The following SLC9A5 variants were observed in gnomAD, a reference collection of about 807,000 sequenced individuals.
SLC9A5 encodes the protein solute carrier family 9 member A5.
Under a neutral mutation model 91.7 loss-of-function variants are expected in SLC9A5, and 52 were observed. The ratio of observed to expected loss-of-function variants is 0.57; its 90% CI spans 0.45 to 0.71. The LOEUF (loss-of-function observed/expected upper bound fraction) is 0.71, where lower values mean the gene tolerates loss of function less well. Ranked by LOEUF, SLC9A5 falls within the 30% of genes least tolerant of loss-of-function variation. SLC9A5 has a pLI of 0.00. For synonymous variants in SLC9A5, 419 were observed against 474.5 expected (o/e 0.88, Z 1.52); for missense variants, 871 against 1,158.9 (o/e 0.75, Z 3.61).
At chr16:67,250,447 A>G (rs1342444436) in intron 1 of SLC9A5, among the ~76,000 whole-genome samples, 1 of 152,208 alleles carries the variant, frequency 6.6e-6, no homozygotes, top group Non-Finnish European at 1.5e-5. Context: ...AAGAGTAGAA[A>G]GAGCCTCAGG....
intron 2 of SLC9A5, among the ~76,000 whole-genome samples, chr16:67,254,652 C>T (rs1338473557): frequency 6.6e-6 from 1 of 152,228 alleles, no homozygotes; most frequent in Non-Finnish European, 1.5e-5. Flanking sequence ...CCCACCTCGG[C>T]CTCCCAAAGT....
In SLC9A5 at chr16:67,251,317, A is replaced by G. The variant is rs1409954685; in HGVS notation, c.188-1225A>G. 2.0e-5 allele frequency among the ~76,000 whole-genome samples: 3 copies of G among 150,796 alleles called. No individual in the cohort carries two copies. In the East Asian group the frequency reaches 5.9e-4, roughly 30 times the overall value. On this transcript the variant is annotated intron_variant, in intron 1 of 15. Transcript: ENST00000299798. ...GGAGGTATAATATACATTCTGGTCT[A>G]GTTAAGGAGTGAGGACATTATAATA... is the stretch of plus-strand genomic sequence containing the variant.
Position 67,255,296 on chromosome 16 carries a change from G to A in SLC9A5, c.655-97G>A. ...CTTGGGTCCCCTGGGGCAGAAATAT[G>A]CTGTCTGCTTTCACCCTGCTCTCCC... On this transcript the variant is annotated intron_variant, in intron 3 of 15. Coordinates refer to ENST00000299798, the MANE Select transcript of SLC9A5 (RefSeq NM_004594.3). This position sits in a 1 kb window ranked among gnomAD's most constrained non-coding sequence, Gnocchi z 4.9. 1.3e-6 allele frequency: 2 copies of A among 1,521,590 alleles called. No homozygotes were observed. The highest frequency in any genetic ancestry group is 1.4e-5 in the African/African-American group (1 of 73,362). The allele number at this position is 1,521,590 out of a possible 1,614,324, so 94.3% of individuals were successfully genotyped here.
In SLC9A5 at chr16:67,259,878, G is replaced by A; in HGVS notation, c.1774G>A (p.Gly592Ser). The stretch of plus-strand genomic sequence containing the variant: ...GCAGGTGATTGACACAGTACGCAGC[G>A]GCCGGGATCGTGAGGATGCTGTGAT... ...DLQVIDTVRSGRDREDAVMHH... is the reference protein window; with the variant it reads ...DLQVIDTVRSSRDREDAVMHH... The change falls in exon 12 of 16, where the codon GGC (glycine) becomes AGC (serine). Residue 592 changes from glycine (G) to serine (S), a missense_variant. This residue lies in a region of SLC9A5 where 454 missense variants were observed against 718.3 expected (regional missense o/e 0.63). Coordinates refer to ENST00000299798, the MANE Select transcript of SLC9A5 (RefSeq NM_004594.3). 3 of 1,614,144 alleles carry A rather than the reference G, an allele frequency of 1.9e-6. No homozygotes were observed. The highest frequency in any genetic ancestry group is 2.5e-6 in the Non-Finnish European group (3 of 1,180,026).
In SLC9A5 at chr16:67,258,334, A is replaced by C; in HGVS notation, c.1513A>C (p.Lys505Gln). 1 of 1,614,002 alleles carries C rather than the reference A, an allele frequency of 6.2e-7. No homozygotes were observed. Among genetic ancestry groups the C allele is most frequent in the Non-Finnish European group, 8.5e-7 (1 of 1,180,010 alleles). Residue 505 changes from lysine to glutamine, a missense_variant, in exon 10 of 16, where the codon AAG (lysine) becomes CAG (glutamine). By Grantham distance (53) the Lys-to-Gln change is moderately conservative. Around this residue, in one of 3 missense-constraint regions of SLC9A5, gnomAD observed 454 missense variants for 718.3 expected, o/e 0.63. Transcript: ENST00000299798. The surrounding 1 kb of genome is among the most constrained non-coding windows in gnomAD (Gnocchi z 4.5). ...CCTCTGTAGGTGGGAGCAGTTTGAC[A>C]AGAAATACCTGAGTCAGCTGCTGAT... ...YWRDRWEQFDKKYLSQLLMRR... is the reference protein window; with the variant it reads ...YWRDRWEQFDQKYLSQLLMRR...
At position 67,271,129 on chromosome 16, in the gene SLC9A5, C is replaced by T. The variant is rs970806003; in HGVS notation, c.2610C>T (p.Gly870=). ...AGCAGGAGCTGCAGCCCCTCATGGG[C>T]CACAAGGACCACACCCATCTCAGCC... ...PQQQELQPLM[G]HKDHTHLSPG... is the part of the protein sequence containing the mutation. Residue 870 remains glycine (G), a synonymous_variant, in exon 16 of 16, where the codon GGC becomes GGT. Coordinates refer to ENST00000299798, the MANE Select transcript of SLC9A5 (RefSeq NM_004594.3). The T allele has an allele frequency of 3.7e-6, 6 of 1,613,532 alleles. No homozygotes were observed. The African/African-American group carries it at 8.0e-5, about 22-fold the overall frequency.
At position 67,259,601 on chromosome 16, in the gene SLC9A5, T is replaced by A; in HGVS notation, c.1655T>A (p.Leu552His). 1 of 1,614,130 alleles carries A rather than the reference T, an allele frequency of 6.2e-7. No homozygotes were observed. The highest frequency in any genetic ancestry group is 1.3e-5 in the African/African-American group (1 of 75,020). ...QGGHVLSSTG[L>H]TLPSMPSRNS... ...GGCCACGTCTTGTCTTCCACAGGTC[T>A]CACTCTGCCTTCTATGCCCAGCCGC... Residue 552 changes from leucine (L) to histidine (H), a missense_variant, in exon 11 of 16, where the codon CTC becomes CAC. Transcript: ENST00000299798.
At chr16:67,250,308 G>A (rs985249332) in intron 1 of SLC9A5, among the ~76,000 whole-genome samples, 1 of 152,156 alleles carries the variant, frequency 6.6e-6, no homozygotes, top group African/African-American at 2.4e-5. Flanking sequence ...TCTCGGGGCT[G>A]GGGTTAATGC....
In SLC9A5 at chr16:67,266,120, G is replaced by C. The variant is rs2035692027; in HGVS notation, c.2113G>C (p.Glu705Gln). 1 of 1,612,162 alleles carries C rather than the reference G, an allele frequency of 6.2e-7. No homozygotes were observed. The highest frequency in any genetic ancestry group is 2.2e-5 in the East Asian group (1 of 44,648). ...GATATTAACCGTGGAGTCTGAGGAG[G>C]AGGAGGAGGAGAGCGACAGTTCAGA... is the stretch of plus-strand genomic sequence containing the variant. ...AVILTVESEEEEEESDSSETE... is the reference protein window; with the variant it reads ...AVILTVESEEQEEESDSSETE... Residue 705 changes from glutamate to glutamine, a missense_variant, in exon 15 of 16, where the codon GAG (glutamate) becomes CAG (glutamine). Glu to Gln is a conservative substitution (Grantham distance 29). Transcript: ENST00000299798.
At position 67,258,590 on chromosome 16, in the gene SLC9A5, G is replaced by A. The variant is rs957353609; in HGVS notation, c.1626+143G>A. ...CTCCATGGTCTGGTGAAGTGGCAGC[G>A]GCAGGAAGCAGCTGGGTCTGGTGCT... On this transcript the variant is annotated intron_variant, in intron 10 of 15. Coordinates refer to ENST00000299798, the MANE Select transcript of SLC9A5 (RefSeq NM_004594.3). The surrounding 1 kb of genome is among the most constrained non-coding windows in gnomAD (Gnocchi z 4.5). 3 of 957,868 alleles carry A rather than the reference G, an allele frequency of 3.1e-6. No individual in the cohort carries two copies. Among genetic ancestry groups the A allele is most frequent in the Middle Eastern group, 3.2e-4 (1 of 3,094 alleles). 59.3% of individuals were successfully genotyped at this position (957,868 alleles called of 1,614,324 possible). A position where few individuals can be genotyped will look rare whatever the true frequency, so the allele number is the denominator to read the frequency against.
chr16:67,268,712 T>TATATATATATA (rs1274790719), intron 15 of SLC9A5, among the ~76,000 whole-genome samples: 3 of 52,804 alleles, frequency 5.7e-5, no homozygotes, highest in African/African-American at 1.4e-4. Context: ...ATATATATAT[T>TATATATATATA]TTTACAGTAG....
At chr16:67,262,884 C>A (rs1597358656) in intron 12 of SLC9A5, 1 of 153,358 alleles carries the variant, frequency 6.5e-6, no homozygotes. Context: ...CACTGGTGAC[C>A]AGCAAGAAGG....
At chr16:67,251,199 G>A (rs1011399215) in intron 1 of SLC9A5, among the ~76,000 whole-genome samples, 1 of 152,142 alleles carries the variant, frequency 6.6e-6, no homozygotes, top group Non-Finnish European at 1.5e-5. Flanking sequence ...GAGATCTTCT[G>A]ATTGCTAAAG....
At position 67,257,214 on chromosome 16, in the gene SLC9A5, A is replaced by G; in HGVS notation, c.1335+101A>G. 7.1e-7 allele frequency: 1 copy of G among 1,405,024 alleles called. No individual in the cohort carries two copies. The highest frequency in any genetic ancestry group is 9.9e-7 in the Non-Finnish European group (1 of 1,012,464). The allele number at this position is 1,405,024 out of a possible 1,614,324, so 87.0% of individuals were successfully genotyped here. ...GGCTTCTCTTCCCGCTGGGAGATGG[A>G]GGGCCCTGACTTCCCAGACCTTGAG... On this transcript the variant is annotated intron_variant, in intron 7 of 15. Coordinates refer to ENST00000299798, the MANE Select transcript of SLC9A5 (RefSeq NM_004594.3). This position sits in a 1 kb window ranked among gnomAD's most constrained non-coding sequence, Gnocchi z 5.1.
At chr16:67,251,353 A>G (rs2142336338) in intron 1 of SLC9A5, among the ~76,000 whole-genome samples, 1 of 138,126 alleles carries the variant, frequency 7.2e-6, no homozygotes, top group African/African-American at 2.7e-5. Context: ...GGTAACATTT[A>G]TTGAGTGCTT....
In SLC9A5 at chr16:67,256,440, A is replaced by C. The variant is rs544967722; in HGVS notation, c.912-29A>C. On this transcript the variant is annotated intron_variant, in intron 5 of 15. Transcript: ENST00000299798. The surrounding 1 kb of genome is among the most constrained non-coding windows in gnomAD (Gnocchi z 4.1). Reference sequence around the variant, plus strand: ...GCTGAGCCCCCTGGAACCCTTCCCCACTTGCCATGTCTCTCCATCCTCTCC... The same window carrying C: ...GCTGAGCCCCCTGGAACCCTTCCCCCCTTGCCATGTCTCTCCATCCTCTCC... 2 of 1,539,758 alleles carry C rather than the reference A, an allele frequency of 1.3e-6. No homozygotes were observed. The highest frequency in any genetic ancestry group is 3.3e-5 in the Admixed American group (2 of 59,900).
In SLC9A5 at chr16:67,252,187, C is replaced by T. The variant is rs778329324; in HGVS notation, c.188-355C>T. ...AAGGTTGGCCAGGCGCGGTGGCTCA[C>T]ACCTGTAATCCCAGCACTTTGGGAG... On this transcript the variant is annotated intron_variant, in intron 1 of 15. Coordinates refer to ENST00000299798, the MANE Select transcript of SLC9A5 (RefSeq NM_004594.3). This position sits in a 1 kb window ranked among gnomAD's most constrained non-coding sequence, Gnocchi z 4.0. Among the ~76,000 whole-genome samples, 21 of 152,086 alleles carry T rather than the reference C, an allele frequency of 1.4e-4. No homozygotes were observed. The highest frequency in any genetic ancestry group is 2.8e-4 in the Non-Finnish European group (19 of 68,014).
intron 15 of SLC9A5, 142 bp downstream of exon 15, chr16:67,266,367 T>C: frequency 1.2e-6 from 1 of 818,216 alleles, no homozygotes; most frequent in Non-Finnish European, 1.9e-6. Flanking sequence ...CTCTTCTTCA[T>C]ACCAGATGCC....
At chr16:67,262,043 G>A (rs935600750) in intron 12 of SLC9A5, 7 of 321,920 alleles carry the variant, frequency 2.2e-5, no homozygotes, top group Non-Finnish European at 3.7e-5. Flanking sequence ...TCTGGAATAA[G>A]TTTGTGTGTA....
Sources: allele counts gnomAD v4.1 joint callset (sites outside exome capture counted in the v4.1 genomes callset), GRCh38; gene constraint gnomAD v4.1.1; regional missense constraint gnomAD v4.1.1; non-coding constraint Gnocchi (gnomAD v3.1); transcripts MANE v1.5; gene names NCBI Gene and HGNC (gene_info 2026-07-23, HGNC 2026-07-21).